The following KIF16B variants were observed in gnomAD, a reference collection of about 807,000 sequenced individuals.
KIF16B encodes kinesin-like protein KIF16B.
In KIF16B, 98 loss-of-function variants were observed where a neutral mutation model predicts 156.3. The ratio of observed to expected loss-of-function variants is 0.63; its 90% CI spans 0.53 to 0.74. KIF16B has a LOEUF of 0.74. Among genes scored for constraint, KIF16B ranks in the 30% least tolerant of loss-of-function variants. KIF16B has a pLI of 0.00. For synonymous variants in KIF16B, 564 were observed against 583.7 expected, an observed-to-expected ratio of 0.97 and a Z score of 0.49; for missense variants, 1,421 against 1,606.5, an observed-to-expected ratio of 0.88 and a Z score of 1.97.
intron 25 of KIF16B, among the ~76,000 whole-genome samples, chr20:16,311,874 AAG>A (rs1367855970): frequency 9.0e-4 from 137 of 152,356 alleles, no homozygotes; most frequent in Non-Finnish European, 1.6e-3. Flanking sequence ...TTGGAAGATT[AAG>A]TTAAAATAAG....
intron 23 of KIF16B, among the ~76,000 whole-genome samples, chr20:16,337,242 C>T (rs1243315698): frequency 6.6e-6 from 1 of 152,140 alleles, no homozygotes; most frequent in Non-Finnish European, 1.5e-5. Flanking sequence ...ATGCTCTTCT[C>T]AAGCACAATA....
chr20:16,373,129 T>G (rs954377880), intron 20 of KIF16B, among the ~76,000 whole-genome samples: 1 of 152,042 alleles, frequency 6.6e-6, no homozygotes, highest in Non-Finnish European at 1.5e-5. Flanking sequence ...AGAGAAAAGA[T>G]TTTCTAAAAT....
chr20:16,341,149 T>C (rs1417096868), intron 23 of KIF16B, among the ~76,000 whole-genome samples: 5 of 152,148 alleles, frequency 3.3e-5, no homozygotes, highest in Admixed American at 2.0e-4. Context: ...CTATGTACAG[T>C]TAAATCCACA....
chr20:16,331,422 A>C (rs966492270), intron 24 of KIF16B, among the ~76,000 whole-genome samples: 1 of 152,202 alleles, frequency 6.6e-6, no homozygotes, highest in Admixed American at 6.5e-5. Flanking sequence ...ACTAAAACTA[A>C]AGTGTTAAGG....
At chr20:16,476,706 C>T (rs6105611) in intron 12 of KIF16B, among the ~76,000 whole-genome samples, 57,653 of 152,026 alleles carry the variant, frequency 0.38, 12,540 homozygotes, top group African/African-American at 0.6. Flanking sequence ...ATTCCCCTCA[C>T]CAAAGTGAAG....
chr20:16,486,281 G>A (rs1467323128), intron 12 of KIF16B, among the ~76,000 whole-genome samples: 1 of 152,042 alleles, frequency 6.6e-6, no homozygotes, highest in Admixed American at 6.5e-5. Flanking sequence ...GCTTAATGAA[G>A]GAGGGAGAAA....
At chr20:16,391,270 AG>A (rs1445199796) in intron 17 of KIF16B, among the ~76,000 whole-genome samples, 5 of 152,122 alleles carry the variant, frequency 3.3e-5, no homozygotes, top group African/African-American at 1.2e-4. Flanking sequence ...CACACTCTCG[AG>A]GGCACCTTCC....
At chr20:16,505,985 A>G in intron 8 of KIF16B, 37 bp downstream of exon 8, 1 of 1,611,444 alleles carries the variant, frequency 6.2e-7, no homozygotes, top group Non-Finnish European at 8.5e-7. Context: ...GAAAAAGAGG[A>G]GGAAACAGAG....
chr20:16,272,308 T>C lies in KIF16B; in HGVS notation c.*945A>G, dbSNP rs1429123660. 2.0e-5 allele frequency: 3 copies of C among 152,646 alleles called. No homozygotes were observed. The highest frequency in any genetic ancestry group is 7.2e-5 in the African/African-American group (3 of 41,464). 9.5% of individuals were successfully genotyped at this position (152,646 alleles called of 1,614,324 possible). A position where few individuals can be genotyped will look rare whatever the true frequency, so the allele number is the denominator to read the frequency against. On this transcript the variant is annotated 3_prime_UTR_variant, in exon 26 of 26. Coordinates refer to ENST00000354981, the MANE Select transcript of KIF16B (RefSeq NM_024704.5). ...TTTTTTCCACTCACATTTTTCTCTT[T>C]AGTAAAACAAAGCAGTTTTACTGTA...
intron 4 of KIF16B, among the ~76,000 whole-genome samples, chr20:16,514,314 C>T (rs1600592673): frequency 2.0e-5 from 3 of 151,854 alleles, no homozygotes; most frequent in Admixed American, 2.0e-4. Flanking sequence ...CTTCCCTTTT[C>T]GGAGAAGACT....
At chr20:16,540,804 T>C (rs757629537) in intron 1 of KIF16B, among the ~76,000 whole-genome samples, 35 of 152,192 alleles carry the variant, frequency 2.3e-4, no homozygotes, top group Non-Finnish European at 4.4e-4. Context: ...GGAAGCCCGA[T>C]TAAACTGAAT....
rs182454305 is a variant in KIF16B at position 16,379,847 on chromosome 20, C to T, written c.2155G>A (p.Glu719Lys). 48 of 1,614,066 alleles carry T rather than the reference C, an allele frequency of 3.0e-5. No homozygotes were observed. The highest frequency in any genetic ancestry group is 2.0e-5 in the Non-Finnish European group (24 of 1,180,054). The change falls in exon 19 of 26, where the codon GAG (glutamate) becomes AAG (lysine). Residue 719 changes from glutamate to lysine, a missense_variant. By Grantham distance (56) the Glu-to-Lys change is moderately conservative (BLOSUM62 1). Coordinates refer to ENST00000354981, the MANE Select transcript of KIF16B (RefSeq NM_024704.5). ...AATATCTGAAACTTCTCAGCCTTCT[C>T]GTTGTTGTTGAGTTCTTTGAGTCGT... ...LQRLKELNNN[E>K]KAEKFQIFQE...
intron 22 of KIF16B, among the ~76,000 whole-genome samples, chr20:16,358,716 G>A (rs2064493732): frequency 6.6e-6 from 1 of 152,222 alleles, no homozygotes; most frequent in Non-Finnish European, 1.5e-5. Context: ...AGTTGTGATG[G>A]GGGAATGGAG....
chr20:16,335,362 C>T (rs985610673), intron 24 of KIF16B, among the ~76,000 whole-genome samples: 4 of 152,286 alleles, frequency 2.6e-5, no homozygotes, highest in East Asian at 3.9e-4. Flanking sequence ...AAGGAAAAGA[C>T]GACTAATGTA....
In KIF16B at chr20:16,454,151, G is replaced by A. The variant is rs908930346; in HGVS notation, c.1303-24169C>T. Among the ~76,000 whole-genome samples the A allele has an allele frequency of 5.5e-4, 83 of 152,086 alleles. 1 individual carries two copies. The highest frequency in any genetic ancestry group is 1.9e-4 in the Non-Finnish European group (13 of 68,004). On this transcript the variant is annotated intron_variant, in intron 12 of 25. Transcript: ENST00000354981. The stretch of plus-strand genomic sequence containing the variant: ...AAGAAGATTGGGGACATACTGCTAC[G>A]TGAATACAGTCATGATGTAGAACAA...
intron 3 of KIF16B, among the ~76,000 whole-genome samples, chr20:16,520,945 G>A (rs906014415): frequency 3.9e-5 from 6 of 152,168 alleles, no homozygotes; most frequent in Admixed American, 3.9e-4. Context: ...GGGCCTGACT[G>A]TTAGAAGGAA....
intron 24 of KIF16B, among the ~76,000 whole-genome samples, chr20:16,329,016 A>G (rs13041215): frequency 6.6e-6 from 1 of 152,198 alleles, no homozygotes; most frequent in East Asian, 1.9e-4. Context: ...TGTTAAATGC[A>G]TGAAAATAAA....
intron 12 of KIF16B, among the ~76,000 whole-genome samples, chr20:16,487,280 C>T (rs1600521607): frequency 1.3e-5 from 2 of 151,802 alleles, no homozygotes; most frequent in African/African-American, 4.8e-5. Context: ...TGCATTTAAA[C>T]GAGAGAGGCC....
At chr20:16,283,469 G>A (rs1033488761) in intron 25 of KIF16B, among the ~76,000 whole-genome samples, 2 of 152,146 alleles carry the variant, frequency 1.3e-5, no homozygotes, top group Non-Finnish European at 2.9e-5. Flanking sequence ...GTGTGTAGGC[G>A]GTGACCAGCA....
Sources: allele counts gnomAD v4.1 joint callset (sites outside exome capture counted in the v4.1 genomes callset), GRCh38; gene constraint gnomAD v4.1.1; transcripts MANE v1.5; gene names NCBI Gene and HGNC (gene_info 2026-07-23, HGNC 2026-07-21).